The following CDH4 variants were observed in gnomAD, a reference collection of about 807,000 sequenced individuals.
The protein encoded by CDH4 is cadherin-4.
A neutral mutation model predicts 86.0 loss-of-function variants in CDH4; 33 were observed. That is an observed-to-expected ratio of 0.38 (90% CI 0.29 to 0.51). The LOEUF is 0.51. Ranked by LOEUF, CDH4 falls within the 20% of genes least tolerant of loss-of-function variation. CDH4 has a pLI of 0.86. For missense variants in CDH4, 1,114 were observed against 1,307.4 expected (o/e 0.85, Z 2.28); for synonymous variants, 555 against 549.4 (o/e 1.01, Z -0.14).
At chr20:61,755,916 G>GT (rs770822731) in intron 3 of CDH4, among the ~76,000 whole-genome samples, 142 of 152,318 alleles carry the variant, frequency 9.3e-4, no homozygotes, top group Middle Eastern at 6.8e-3. Flanking sequence ...TCTGTGTATG[G>GT]TCAGCAGCAA....
At chr20:61,864,074 A>G (rs1355172804) in intron 6 of CDH4, among the ~76,000 whole-genome samples, 5 of 152,252 alleles carry the variant, frequency 3.3e-5, no homozygotes, top group African/African-American at 1.2e-4. Flanking sequence ...CCTGAATCCA[A>G]TGACTGTTTT....
At chr20:61,541,526 A>G (rs1471372782) in intron 2 of CDH4, among the ~76,000 whole-genome samples, 2 of 152,220 alleles carry the variant, frequency 1.3e-5, no homozygotes, top group Non-Finnish European at 2.9e-5. Flanking sequence ...ACCATCTAGA[A>G]TTAGCCGATG....
intron 4 of CDH4, among the ~76,000 whole-genome samples, chr20:61,832,590 G>A (rs1746262789): frequency 2.0e-5 from 3 of 152,132 alleles, no homozygotes; most frequent in South Asian, 4.2e-4. Context: ...TTCACATGGA[G>A]GCAGGAGAGA....
At chr20:61,255,850 A>G (rs1474004138) in intron 2 of CDH4, among the ~76,000 whole-genome samples, 6 of 152,178 alleles carry the variant, frequency 3.9e-5, no homozygotes, top group Non-Finnish European at 8.8e-5. Flanking sequence ...GTGATTTTTC[A>G]GATCCTCGCC....
intron 2 of CDH4, among the ~76,000 whole-genome samples, chr20:61,454,404 C>T (rs1398068798): frequency 6.6e-6 from 1 of 152,102 alleles, no homozygotes; most frequent in Non-Finnish European, 1.5e-5. Flanking sequence ...GAAGAGCCCG[C>T]AAGACAGAGT....
At chr20:61,862,755 C>A (rs555181225) in intron 6 of CDH4, among the ~76,000 whole-genome samples, 4 of 152,286 alleles carry the variant, frequency 2.6e-5, no homozygotes, top group Admixed American at 6.5e-5. Context: ...GGGCTCTAAT[C>A]GGGATGTGCT....
At chr20:61,400,003 C>T (rs1419914194) in intron 2 of CDH4, among the ~76,000 whole-genome samples, 1 of 152,190 alleles carries the variant, frequency 6.6e-6, no homozygotes, top group African/African-American at 2.4e-5. Context: ...ACCAGGATCC[C>T]TCCTGTCATT....
At chr20:61,669,016 C>T (rs1453377876) in intron 2 of CDH4, among the ~76,000 whole-genome samples, 3 of 152,200 alleles carry the variant, frequency 2.0e-5, no homozygotes, top group Non-Finnish European at 4.4e-5. Flanking sequence ...TCCAGCGAAG[C>T]TCAGGGCTGC....
At chr20:61,792,024 A>C (rs1979229944) in intron 4 of CDH4, among the ~76,000 whole-genome samples, 1 of 152,116 alleles carries the variant, frequency 6.6e-6, no homozygotes, top group African/African-American at 2.4e-5. Flanking sequence ...CATCCCCTGG[A>C]TGCCTTTGGC....
intron 4 of CDH4, among the ~76,000 whole-genome samples, chr20:61,799,572 C>T (rs963708890): frequency 2.0e-5 from 3 of 152,176 alleles, no homozygotes; most frequent in South Asian, 4.1e-4. Context: ...CTCTCTCCCA[C>T]GTCTCAGGAG....
chr20:61,543,623 A>T (rs894718913), intron 2 of CDH4, among the ~76,000 whole-genome samples: 1 of 152,218 alleles, frequency 6.6e-6, no homozygotes, highest in African/African-American at 2.4e-5. Context: ...TGGCGCCTTT[A>T]TGATCTGTCC....
At chr20:61,889,555 T>C (rs897806958) in intron 7 of CDH4, among the ~76,000 whole-genome samples, 1 of 133,680 alleles carries the variant, frequency 7.5e-6, no homozygotes, top group Admixed American at 7.5e-5. Context: ...TGATGGATGA[T>C]GGATGGGTAG....
chr20:61,799,302 T>C (rs1352583695), intron 4 of CDH4, among the ~76,000 whole-genome samples: 2 of 152,218 alleles, frequency 1.3e-5, no homozygotes, highest in Admixed American at 1.3e-4. Flanking sequence ...GAAACCCAGC[T>C]GCTACCTCCA....
chr20:61,547,890 TC>T (rs1368915518), intron 2 of CDH4, among the ~76,000 whole-genome samples: 6 of 152,368 alleles, frequency 3.9e-5, no homozygotes, highest in Admixed American at 6.5e-5. Flanking sequence ...GTATCCGTGT[TC>T]GCACATCTAT....
chr20:61,632,417 C>T (rs1055570386), intron 2 of CDH4, among the ~76,000 whole-genome samples: 3 of 152,166 alleles, frequency 2.0e-5, no homozygotes, highest in African/African-American at 7.2e-5. Flanking sequence ...TCACCACCCA[C>T]AGGTGCCAGG....
At chr20:61,637,148 T>C (rs1184747201) in intron 2 of CDH4, among the ~76,000 whole-genome samples, 1 of 152,242 alleles carries the variant, frequency 6.6e-6, no homozygotes, top group Non-Finnish European at 1.5e-5. Flanking sequence ...TTTTGAAATA[T>C]GTAATCATGA....
Position 61,275,590 on chromosome 20 carries a change from A to C in CDH4, c.169+20653A>C, listed in dbSNP as rs1339756688. 2.3e-4 allele frequency among the ~76,000 whole-genome samples: 22 copies of C among 96,082 alleles called. 1 individual carries two copies. The highest frequency in any genetic ancestry group is 4.1e-4 in the South Asian group (1 of 2,458). The allele number at this position is 96,082 out of a possible 152,430, so 63.0% of individuals were successfully genotyped here. On this transcript the variant is annotated intron_variant, in intron 2 of 15. Transcript: ENST00000614565. The stretch of plus-strand genomic sequence containing the variant: ...ACCCTGCGCAGTTTGGGGGAGTACC[A>C]TGCGCAGTTTGGGAGAGTACCATGC...
intron 2 of CDH4, among the ~76,000 whole-genome samples, chr20:61,409,278 CAG>C (rs767956344): frequency 1.3e-5 from 2 of 152,196 alleles, no homozygotes; most frequent in Non-Finnish European, 2.9e-5. Flanking sequence ...AGCTGGGACT[CAG>C]AGAGAACTTC....
At chr20:61,873,583 A>T in intron 6 of CDH4, 145 bp from the exon 7 acceptor site, 1 of 767,378 alleles carries the variant, frequency 1.3e-6, no homozygotes, top group Non-Finnish European at 2.1e-6. Context: ...CACTAACACC[A>T]CCTCTGAACA....
Sources: gnomAD v4.1 joint callset for allele counts (sites outside exome capture counted in the v4.1 genomes callset) on GRCh38, gnomAD v4.1.1 for gene constraint, MANE v1.5 for transcripts, NCBI Gene and HGNC (gene_info 2026-07-23, HGNC 2026-07-21) for gene names.